Variants in SBF2 observed in about 807,000 individuals in gnomAD.
SBF2 encodes myotubularin-related protein 13.
A neutral mutation model predicts 225.2 loss-of-function variants in SBF2; 112 were observed. That is an observed-to-expected ratio of 0.50 (90% CI 0.43 to 0.58). SBF2 has a LOEUF of 0.58. Ranked by LOEUF, SBF2 falls within the 20% of genes least tolerant of loss-of-function variation. The pLI is 0.00. For missense variants in SBF2, 1,996 were observed against 2,206.2 expected (o/e 0.90, Z 1.91); for synonymous variants, 763 against 773.3 (o/e 0.99, Z 0.22).
chr11:9,814,677 C>T (rs919020150), intron 29 of SBF2, among the ~76,000 whole-genome samples: 10 of 152,052 alleles, frequency 6.6e-5, no homozygotes, highest in African/African-American at 1.9e-4. Flanking sequence ...AATAACCTAG[C>T]GATATACATG....
rs538929705 is a variant in SBF2 at position 10,136,450 on chromosome 11, G to A, written c.141+57452C>T. Reference sequence around the variant, plus strand: ...TAGCCCCATCTGCATTCTCCAGGGAGTGGCTGGAGACTGAGTTAGTATTTG... The same window carrying A: ...TAGCCCCATCTGCATTCTCCAGGGAATGGCTGGAGACTGAGTTAGTATTTG... On this transcript the variant is annotated intron_variant, in intron 2 of 39. Coordinates refer to ENST00000256190, the MANE Select transcript of SBF2 (RefSeq NM_030962.4). Among the ~76,000 whole-genome samples the A allele has an allele frequency of 3.8e-3, 577 of 152,298 alleles. 4 individuals are homozygous for A. Among genetic ancestry groups the A allele is most frequent in the South Asian group, 5.2e-3 (25 of 4,830 alleles).
At chr11:10,014,520 A>AAC (rs1948574781) in intron 6 of SBF2, among the ~76,000 whole-genome samples, 1 of 150,360 alleles carries the variant, frequency 6.7e-6, no homozygotes, top group Non-Finnish European at 1.5e-5. Flanking sequence ...AAAAAAAAAA[A>AAC]AAAAAAAACG....
At chr11:9,831,439 A>G (rs186855799) in intron 27 of SBF2, among the ~76,000 whole-genome samples, 2 of 152,352 alleles carry the variant, frequency 1.3e-5, no homozygotes, top group East Asian at 3.9e-4. Flanking sequence ...CAGTCAACCT[A>G]ATGATCAAAA....
At chr11:9,793,198 T>C (rs917462002) in intron 33 of SBF2, among the ~76,000 whole-genome samples, 5 of 152,132 alleles carry the variant, frequency 3.3e-5, no homozygotes, top group African/African-American at 1.2e-4. Flanking sequence ...TCATTGTATT[T>C]AATCTTTTCA....
intron 14 of SBF2, among the ~76,000 whole-genome samples, chr11:9,965,297 C>CTTTTT (rs34056394): frequency 4.7e-5 from 6 of 128,852 alleles, no homozygotes; most frequent in South Asian, 2.5e-4. Context: ...ATGTTTTAAA[C>CTTTTT]TTTTTTTTTT....
At chr11:9,878,969 A>T (rs1749055780) in intron 17 of SBF2, among the ~76,000 whole-genome samples, 1 of 152,214 alleles carries the variant, frequency 6.6e-6, no homozygotes, top group Non-Finnish European at 1.5e-5. Flanking sequence ...AAAATCTATC[A>T]GTGACAAAGA....
At chr11:9,856,753 A>C in intron 18 of SBF2, 33 bp from the exon 19 acceptor site, 8 of 1,603,804 alleles carry the variant, frequency 5.0e-6, no homozygotes, top group Non-Finnish European at 6.8e-6. Context: ...CCAAAAGAGA[A>C]CCATCACTTC....
intron 1 of SBF2, among the ~76,000 whole-genome samples, chr11:10,240,259 C>CAAAAAAAAAAAAAAA (rs555675542): frequency 1.1e-5 from 1 of 93,096 alleles, no homozygotes. Flanking sequence ...ATTAAAAGAA[C>CAAAAAAAAAAAAAAA]AAAAAAAAAA....
intron 29 of SBF2, among the ~76,000 whole-genome samples, chr11:9,815,986 C>T (rs1854435629): frequency 6.6e-6 from 1 of 152,146 alleles, no homozygotes; most frequent in Non-Finnish European, 1.5e-5. Flanking sequence ...GCTAATGGCA[C>T]CCTGCTCACA....
At chr11:10,089,871 A>G (rs1951710106) in intron 2 of SBF2, among the ~76,000 whole-genome samples, 1 of 152,206 alleles carries the variant, frequency 6.6e-6, no homozygotes, top group Admixed American at 6.5e-5. Flanking sequence ...ATAAAAACTC[A>G]GTGAGTATAC....
chr11:10,211,014 CAAAAAAAA>C (rs1230619092), intron 1 of SBF2, among the ~76,000 whole-genome samples: 5 of 33,064 alleles, frequency 1.5e-4, no homozygotes, highest in East Asian at 7.8e-4. Flanking sequence ...ACTCTTGACT[CAAAAAAAA>C]AAAAAAAAAA....
At chr11:10,233,559 ATC>A (rs144350292) in intron 1 of SBF2, among the ~76,000 whole-genome samples, 43 of 145,328 alleles carry the variant, frequency 3.0e-4, no homozygotes, top group African/African-American at 5.0e-4. Context: ...ATATATATAT[ATC>A]TCTCTCTCTC....
At chr11:10,301,603 C>G (rs1451019057) in intron 1 of SBF2, among the ~76,000 whole-genome samples, 2 of 152,186 alleles carry the variant, frequency 1.3e-5, no homozygotes, top group Admixed American at 1.3e-4. Context: ...ATGCAATGCA[C>G]TTAGCTACTC....
intron 1 of SBF2, among the ~76,000 whole-genome samples, chr11:10,201,860 C>T (rs1411177341): frequency 4.6e-5 from 7 of 152,002 alleles, no homozygotes; most frequent in African/African-American, 1.2e-4. Flanking sequence ...GGTGACAGAA[C>T]GAGACTTCAT....
chr11:10,039,956 A>T lies in SBF2; in HGVS notation c.279+2888T>A, dbSNP rs929798803. Among the ~76,000 whole-genome samples the T allele has an allele frequency of 6.6e-5, 10 of 151,942 alleles. 1 individual carries two copies. The highest frequency in any genetic ancestry group is 6.6e-4 in the Admixed American group (10 of 15,244). ...ACAAAAAAAAAACCTGAATCCATGTATCTGTAGCTCAAACAGACAGGAAGA... is the reference window on the plus strand; with the variant it reads ...ACAAAAAAAAAACCTGAATCCATGTTTCTGTAGCTCAAACAGACAGGAAGA... On this transcript the variant is annotated intron_variant, in intron 3 of 39. Coordinates refer to ENST00000256190, the MANE Select transcript of SBF2 (RefSeq NM_030962.4).
intron 2 of SBF2, among the ~76,000 whole-genome samples, chr11:10,191,439 T>C (rs963271847): frequency 6.6e-6 from 1 of 152,150 alleles, no homozygotes; most frequent in Non-Finnish European, 1.5e-5. Flanking sequence ...TAAAATGGAC[T>C]TTGATAGATG....
At chr11:9,990,039 T>C (rs1040235297) in intron 12 of SBF2, among the ~76,000 whole-genome samples, 3 of 152,176 alleles carry the variant, frequency 2.0e-5, no homozygotes, top group African/African-American at 7.2e-5. Flanking sequence ...AGTTTTCTCA[T>C]CTCTAAAATA....
intron 1 of SBF2, among the ~76,000 whole-genome samples, chr11:10,201,243 G>GC (rs144690203): frequency 0.014 from 2,198 of 152,252 alleles, 60 homozygotes; most frequent in African/African-American, 0.051. Context: ...TATTCAACTT[G>GC]CAAGTTCCAA....
chr11:9,867,425 T>C (rs940882317), intron 17 of SBF2, among the ~76,000 whole-genome samples: 3 of 152,162 alleles, frequency 2.0e-5, no homozygotes, highest in Non-Finnish European at 2.9e-5. Context: ...TGGAGAATGC[T>C]TGTACACTGC....
Sources: allele counts gnomAD v4.1 joint callset (sites outside exome capture counted in the v4.1 genomes callset), GRCh38; gene constraint gnomAD v4.1.1; transcripts MANE v1.5; gene names NCBI Gene and HGNC (gene_info 2026-07-23, HGNC 2026-07-21).